SMG1: variants seen among roughly 807,000 people sequenced by gnomAD.
SMG1 encodes serine/threonine-protein kinase SMG1.
In SMG1, 22 loss-of-function variants were observed where a neutral mutation model predicts 419.9. The observed-to-expected ratio is 0.05, with a 90% CI of 0.04 to 0.07. SMG1 has a LOEUF of 0.07. SMG1 is among the 10% of genes least tolerant of loss of function. The pLI is 1.00. For missense variants in SMG1, 3,185 were observed against 4,342.0 expected, an observed-to-expected ratio of 0.73 and a Z score of 7.49; for synonymous variants, 1,538 against 1,553.5, an observed-to-expected ratio of 0.99 and a Z score of 0.23.
chr16:18,809,058 G>T lies in SMG1; in HGVS notation c.*511C>A. On this transcript the variant is annotated 3_prime_UTR_variant, in exon 63 of 63. Coordinates refer to ENST00000446231, the MANE Select transcript of SMG1 (RefSeq NM_015092.5). The stretch of plus-strand genomic sequence containing the variant: ...AGCCTTTAGCCTTTTTCTACTTACT[G>T]GTCAACCCAACCAGTACTGTTGCCA... The T allele has an allele frequency of 6.5e-6, 1 of 154,662 alleles. No individual in the cohort carries two copies. The allele number at this position is 154,662 out of a possible 1,614,324, so 9.6% of individuals were successfully genotyped here. A position where few individuals can be genotyped will look rare whatever the true frequency, so the allele number is the denominator to read the frequency against.
At position 18,845,495 on chromosome 16, in the gene SMG1, G is replaced by A. The variant is rs1455928873; in HGVS notation, c.6153C>T (p.Ala2051=). 4 of 1,613,764 alleles carry A rather than the reference G, an allele frequency of 2.5e-6. No individual in the cohort carries two copies. The Middle Eastern group carries it at 4.9e-4, about 200-fold the overall frequency. The change falls in exon 39 of 63, where the codon GCC becomes GCT. Residue 2051 remains alanine, a synonymous_variant. Transcript: ENST00000446231. ...TCAATGGAGTCTTCAGTTTTTCTAG[G>A]GCATTTTCAATGGCATCACCATAGT... The part of the protein sequence containing the change: ...QDNYGDAIEN[A]LEKLKTPLNP...
chr16:18,834,040 C>T (rs2033387108), intron 50 of SMG1, among the ~76,000 whole-genome samples, 164 bp downstream of exon 50: 1 of 152,132 alleles, frequency 6.6e-6, no homozygotes, highest in Admixed American at 6.5e-5. Context: ...CAAAGAGCAA[C>T]TGTAACCAAG....
intron 60 of SMG1, among the ~76,000 whole-genome samples, chr16:18,813,375 G>A (rs2031662740): frequency 6.6e-6 from 1 of 152,156 alleles, no homozygotes; most frequent in Non-Finnish European, 1.5e-5. Flanking sequence ...ACTGGTGTGA[G>A]ATGGTATCTC....
chr16:18,827,194 A>G (rs1468325997), intron 55 of SMG1, among the ~76,000 whole-genome samples: 2 of 152,068 alleles, frequency 1.3e-5, no homozygotes, highest in African/African-American at 4.8e-5. Flanking sequence ...TGGGAGGCCA[A>G]GGTGGGCAGA....
At chr16:18,921,559 A>C (rs2038201948) in intron 1 of SMG1, among the ~76,000 whole-genome samples, 1 of 152,114 alleles carries the variant, frequency 6.6e-6, no homozygotes. Flanking sequence ...GTTCCATTTA[A>C]TATTAGACTG....
At chr16:18,888,968 G>T (rs1357949315) in intron 6 of SMG1, among the ~76,000 whole-genome samples, 2 of 151,678 alleles carry the variant, frequency 1.3e-5, no homozygotes, top group Non-Finnish European at 2.9e-5. Context: ...GACTACAGGT[G>T]CCCACCACCA....
intron 1 of SMG1, among the ~76,000 whole-genome samples, chr16:18,920,405 G>A (rs2038152331): frequency 1.3e-5 from 2 of 151,626 alleles, no homozygotes; most frequent in Admixed American, 1.3e-4. Flanking sequence ...AAAAAAGTTG[G>A]GGTGAGGTGA....
At chr16:18,908,898 T>C (rs1388800111) in intron 1 of SMG1, among the ~76,000 whole-genome samples, 4 of 150,000 alleles carry the variant, frequency 2.7e-5, no homozygotes, top group Non-Finnish European at 3.0e-5. Flanking sequence ...AAAAAAGAAA[T>C]GTATGCAACC....
At chr16:18,852,603 T>C (rs2034663282) in intron 31 of SMG1, 141 bp from the exon 32 acceptor site, 1 of 634,670 alleles carries the variant, frequency 1.6e-6, no homozygotes, top group Admixed American at 3.6e-5. Flanking sequence ...TGTACATAAC[T>C]TGAGAAGGCA....
chr16:18,845,435 A>C lies in SMG1; in HGVS notation c.6213T>G (p.Phe2071Leu), dbSNP rs1225084247. ...PAKPGSSWIP[F>L]KEIMLSLQQR... ...GCTTGGGATTATTCTGTACCTCTTT[A>C]AATGGAATCCAGCTGCTCCCAGGCT... Residue 2071 changes from phenylalanine to leucine, a missense_variant, in exon 39 of 63, where the codon TTT (phenylalanine) becomes TTG (leucine). By Grantham distance (22) the Phe-to-Leu change is conservative. Around this residue, in one of 27 missense-constraint regions of SMG1, gnomAD observed 159 missense variants for 196.0 expected, o/e 0.81. Coordinates refer to ENST00000446231, the MANE Select transcript of SMG1 (RefSeq NM_015092.5). 6.2e-7 allele frequency: 1 copy of C among 1,613,538 alleles called. No homozygotes were observed. Among genetic ancestry groups the C allele is most frequent in the African/African-American group, 1.3e-5 (1 of 74,996 alleles).
intron 33 of SMG1, among the ~76,000 whole-genome samples, 166 bp downstream of exon 33, chr16:18,851,898 ATTC>A (rs1348583851): frequency 6.6e-6 from 1 of 152,152 alleles, no homozygotes; most frequent in Non-Finnish European, 1.5e-5. Context: ...TCAAAAGTAT[ATTC>A]TTCTTAGAAA....
intron 54 of SMG1, 115 bp downstream of exon 54, chr16:18,829,171 T>G (rs1019795794): frequency 4.6e-5 from 36 of 790,682 alleles, no homozygotes; most frequent in Non-Finnish European, 6.3e-5. Flanking sequence ...TGCATTGGGT[T>G]GCTGTGAGTT....
Position 18,847,518 on chromosome 16 carries a change from G to A in SMG1, c.5931C>T (p.Val1977=), listed in dbSNP as rs772320671. 6.2e-7 allele frequency: 1 copy of A among 1,614,008 alleles called. No homozygotes were observed. The highest frequency in any genetic ancestry group is 1.1e-5 in the South Asian group (1 of 91,084). ...LGVLLQQHMY[V]LRRIQQLEDE... is the part of the protein sequence containing the mutation. The stretch of plus-strand genomic sequence containing the variant: ...CTTCAAGCTGCTGAATTCGTCTCAG[G>A]ACATACATGTGTTGTTGCAGCAAAA... The change falls in exon 38 of 63, where the codon GTC becomes GTT. Residue 1977 remains valine, a synonymous_variant. Transcript: ENST00000446231.
chr16:18,804,968 G>A lies in SMG1; in HGVS notation c.*4601C>T, dbSNP rs2030691896. 2.6e-5 allele frequency: 4 copies of A among 152,662 alleles called. No individual in the cohort carries two copies. The South Asian group carries it at 8.3e-4, about 32-fold the overall frequency. 9.5% of individuals were successfully genotyped at this position (152,662 alleles called of 1,614,324 possible). A position where few individuals can be genotyped will look rare whatever the true frequency, so the allele number is the denominator to read the frequency against. On this transcript the variant is annotated 3_prime_UTR_variant, in exon 63 of 63. Coordinates refer to ENST00000446231, the MANE Select transcript of SMG1 (RefSeq NM_015092.5). ...GGCATGTATTTGTTTTCCAAAAGAT[G>A]CATTATGAACATTTTCAGGAAGCTG...
intron 55 of SMG1, among the ~76,000 whole-genome samples, chr16:18,820,617 C>T (rs1344291842): frequency 1.3e-5 from 2 of 152,126 alleles, no homozygotes; most frequent in Non-Finnish European, 2.9e-5. Flanking sequence ...TTCACATTTT[C>T]TCTCCCCAAC....
In SMG1 at chr16:18,922,808, G is replaced by A. The variant is rs545901464; in HGVS notation, c.92+3142C>T. On this transcript the variant is annotated intron_variant, in intron 1 of 62. Transcript: ENST00000446231. The stretch of plus-strand genomic sequence containing the variant: ...TTAACCATTCTTAAATGTCGGGTGC[G>A]GTGGCTCACACCTGTAATCTCAACA... 3.9e-5 allele frequency among the ~76,000 whole-genome samples: 6 copies of A among 152,060 alleles called. No homozygotes were observed. In the East Asian group the frequency reaches 9.9e-4, roughly 25 times the overall value.
At chr16:18,883,291 C>T (rs1383599090) in intron 9 of SMG1, among the ~76,000 whole-genome samples, 5 of 152,196 alleles carry the variant, frequency 3.3e-5, no homozygotes, top group South Asian at 2.1e-4. Flanking sequence ...GCTTCAGCAG[C>T]GCTCTTAAAG....
chr16:18,922,498 C>T (rs954123345), intron 1 of SMG1, among the ~76,000 whole-genome samples: 1 of 152,178 alleles, frequency 6.6e-6, no homozygotes, highest in Admixed American at 6.5e-5. Context: ...AGGAGTCTTG[C>T]TCTGTTGCCC....
intron 1 of SMG1, among the ~76,000 whole-genome samples, chr16:18,898,697 C>T (rs1475306149): frequency 2.6e-5 from 4 of 152,196 alleles, no homozygotes; most frequent in Admixed American, 6.5e-5. Context: ...TTGACTAATT[C>T]GGAAACACAA....
Sources: allele counts gnomAD v4.1 joint callset (sites outside exome capture counted in the v4.1 genomes callset), GRCh38; gene constraint gnomAD v4.1.1; regional missense constraint gnomAD v4.1.1; transcripts MANE v1.5; gene names NCBI Gene and HGNC (gene_info 2026-07-23, HGNC 2026-07-21).